The following PAPSS1 variants were observed in gnomAD, a reference collection of about 807,000 sequenced individuals.
PAPSS1 encodes the protein bifunctional 3'-phosphoadenosine 5'-phosphosulfate synthase 1.
PAPSS1 carries 50 observed loss-of-function variants against 72.0 expected under a neutral mutation model. The ratio of observed to expected loss-of-function variants is 0.69; its 90% CI spans 0.55 to 0.88. The LOEUF (loss-of-function observed/expected upper bound fraction) is 0.88, where lower values mean the gene tolerates loss of function less well. Ranked by LOEUF, PAPSS1 falls within the 40% of genes least tolerant of loss-of-function variation. The pLI is 0.00. For synonymous variants in PAPSS1, 261 were observed against 263.6 expected, an observed-to-expected ratio of 0.99 and a Z score of 0.09; for missense variants, 657 against 782.2, an observed-to-expected ratio of 0.84 and a Z score of 1.91.
intron 5 of PAPSS1, among the ~76,000 whole-genome samples, chr4:107,664,399 T>A (rs560170109): frequency 1.3e-5 from 2 of 152,252 alleles, no homozygotes; most frequent in East Asian, 3.9e-4. Context: ...ACAAGGCATG[T>A]TTAGCTGGTT....
intron 1 of PAPSS1, among the ~76,000 whole-genome samples, chr4:107,707,626 T>G (rs1195999424): frequency 6.6e-6 from 1 of 152,188 alleles, no homozygotes; most frequent in Admixed American, 6.5e-5. Context: ...CTGCCTGAGG[T>G]TGCAGGCTGG....
chr4:107,647,091 G>C (rs1413679170), intron 9 of PAPSS1, among the ~76,000 whole-genome samples: 3 of 152,212 alleles, frequency 2.0e-5, no homozygotes, highest in Admixed American at 2.0e-4. Flanking sequence ...AAATGCAGCT[G>C]GAGACATGCT....
At chr4:107,657,581 G>A (rs1263400512) in intron 6 of PAPSS1, among the ~76,000 whole-genome samples, 1 of 152,036 alleles carries the variant, frequency 6.6e-6, no homozygotes, top group African/African-American at 2.4e-5. Context: ...AAATTAGCCA[G>A]ATGTGGTGGC....
At chr4:107,635,392 A>T (rs1247746116) in intron 10 of PAPSS1, among the ~76,000 whole-genome samples, 13 of 152,228 alleles carry the variant, frequency 8.5e-5, no homozygotes, top group African/African-American at 3.1e-4. Flanking sequence ...ACTAGGGTAC[A>T]GCTTAAAATA....
intron 1 of PAPSS1, among the ~76,000 whole-genome samples, chr4:107,706,258 C>G (rs560756988): frequency 8.2e-4 from 125 of 152,212 alleles, no homozygotes; most frequent in African/African-American, 3.0e-3. Context: ...CCTTGAACTC[C>G]TATACCTCAA....
At chr4:107,717,093 A>AC (rs951038705) in intron 1 of PAPSS1, among the ~76,000 whole-genome samples, 1 of 150,474 alleles carries the variant, frequency 6.6e-6, no homozygotes, top group African/African-American at 2.4e-5. Flanking sequence ...AAAAAAAAAA[A>AC]CTCCAGATTT....
chr4:107,710,452 T>C (rs1423269352), intron 1 of PAPSS1, among the ~76,000 whole-genome samples: 1 of 152,216 alleles, frequency 6.6e-6, no homozygotes, highest in African/African-American at 2.4e-5. Flanking sequence ...CTATATATTA[T>C]TTCCTAGAAA....
chr4:107,645,002 G>T lies in PAPSS1; in HGVS notation c.1306C>A (p.His436Asn). Residue 436 changes from histidine to asparagine, a missense_variant, in exon 10 of 12, where the codon CAT (histidine) becomes AAT (asparagine). Physicochemically the swap from His to Asn is moderately conservative, Grantham distance 68. This residue lies in a region of PAPSS1 where 166 missense variants were observed against 228.3 expected (regional missense o/e 0.73). Coordinates refer to ENST00000265174, the MANE Select transcript of PAPSS1 (RefSeq NM_005443.5). ...NGHALLMQDTHKQLLERGYRR... is the reference protein window; with the variant it reads ...NGHALLMQDTNKQLLERGYRR... ...TAGCCCCTCTCTAGAAGTTGCTTAT[G>T]GGTATCCTGCATTAACAGGGCATGT... 6.2e-7 allele frequency: 1 copy of T among 1,611,618 alleles called. No homozygotes were observed. The highest frequency in any genetic ancestry group is 8.5e-7 in the Non-Finnish European group (1 of 1,178,560).
At chr4:107,678,264 T>C (rs548250527) in intron 5 of PAPSS1, among the ~76,000 whole-genome samples, 102 of 139,168 alleles carry the variant, frequency 7.3e-4, no homozygotes, top group Middle Eastern at 7.4e-3. Flanking sequence ...GGAATTAATA[T>C]CTATGTCTAG....
intron 3 of PAPSS1, among the ~76,000 whole-genome samples, chr4:107,687,632 C>A (rs780281508): frequency 6.6e-6 from 1 of 152,044 alleles, no homozygotes; most frequent in East Asian, 1.9e-4. Context: ...CACTTCTCCT[C>A]TCTAACACTC....
rs570098116 is a variant in PAPSS1, at chr4:107,656,859, C to T, written c.895+37G>A. ...TCTCTGCAACTATGTAATTTCTCTT[C>T]CACATACAATATAATTTTGAATGTA... On this transcript the variant is annotated intron_variant, in intron 7 of 11. Transcript: ENST00000265174. 3.7e-6 allele frequency: 5 copies of T among 1,336,364 alleles called. No homozygotes were observed. The Admixed American group carries it at 6.7e-5, about 18-fold the overall frequency. 82.8% of individuals were successfully genotyped at this position (1,336,364 alleles called of 1,614,324 possible).
At chr4:107,690,372 T>C (rs1218553681) in intron 3 of PAPSS1, among the ~76,000 whole-genome samples, 5 of 152,190 alleles carry the variant, frequency 3.3e-5, no homozygotes, top group African/African-American at 1.2e-4. Flanking sequence ...CTGTCTCCTC[T>C]GTCTGAAACA....
At chr4:107,677,118 G>C (rs1201520365) in intron 5 of PAPSS1, among the ~76,000 whole-genome samples, 4 of 152,162 alleles carry the variant, frequency 2.6e-5, no homozygotes, top group African/African-American at 7.2e-5. Flanking sequence ...TCAGGACATA[G>C]GCATGGGCAA....
At position 107,631,628 on chromosome 4, in the gene PAPSS1, T is replaced by C; in HGVS notation, c.1736+3A>G. ...AGATTTGTACAGAGAATGTAAGACT[T>C]ACTGTTCAGAGTCATAGTAGTCCAT... On this transcript the variant is annotated splice_donor_region_variant and intron_variant, in intron 11 of 11. Coordinates refer to ENST00000265174, the MANE Select transcript of PAPSS1 (RefSeq NM_005443.5). 3 of 1,594,592 alleles carry C rather than the reference T, an allele frequency of 1.9e-6. No homozygotes were observed. Among genetic ancestry groups the C allele is most frequent in the African/African-American group, 1.3e-5 (1 of 74,574 alleles).
At chr4:107,705,089 T>C (rs1723306783) in intron 1 of PAPSS1, among the ~76,000 whole-genome samples, 1 of 152,266 alleles carries the variant, frequency 6.6e-6, no homozygotes, top group Non-Finnish European at 1.5e-5. Context: ...TTCGCATCTA[T>C]GTTCATCAGG....
chr4:107,668,224 T>A (rs1727372750), intron 5 of PAPSS1, among the ~76,000 whole-genome samples: 1 of 152,158 alleles, frequency 6.6e-6, no homozygotes, highest in South Asian at 2.1e-4. Context: ...ACAAATAACT[T>A]CACCTCTGGA....
chr4:107,713,773 G>GA (rs70947093), intron 1 of PAPSS1, among the ~76,000 whole-genome samples: 113,788 of 146,404 alleles, frequency 0.78, 47,152 homozygotes, highest in South Asian at 0.95. Flanking sequence ...AAAAAAAAAA[G>GA]AAAAAAAAAT....
chr4:107,660,128 C>A (rs935959348), intron 5 of PAPSS1, 56 bp from the exon 6 acceptor site: 3 of 882,840 alleles, frequency 3.4e-6, no homozygotes, highest in Middle Eastern at 6.9e-4. Flanking sequence ...TAGAGTTCAC[C>A]AAAGGGTATC....
At chr4:107,707,394 T>C (rs1046154102) in intron 1 of PAPSS1, among the ~76,000 whole-genome samples, 3 of 152,164 alleles carry the variant, frequency 2.0e-5, no homozygotes, top group South Asian at 2.1e-4. Context: ...TCTGGCCTGG[T>C]GGTGGAGGTT....
Sources: gnomAD v4.1 joint callset for allele counts (sites outside exome capture counted in the v4.1 genomes callset) on GRCh38, gnomAD v4.1.1 for gene constraint, gnomAD v4.1.1 regional missense constraint, MANE v1.5 for transcripts, NCBI Gene and HGNC (gene_info 2026-07-23, HGNC 2026-07-21) for gene names.